ZNF385D: variants seen among roughly 807,000 people sequenced by gnomAD.
The protein encoded by ZNF385D is zinc finger protein 659.
A neutral mutation model predicts 35.8 loss-of-function variants in ZNF385D; 15 were observed. The observed-to-expected ratio is 0.42, with a 90% confidence interval of 0.28 to 0.64. The LOEUF is 0.64. Ranked by LOEUF, ZNF385D falls within the 30% of genes least tolerant of loss-of-function variation. The pLI is 0.23. For missense variants in ZNF385D, 474 were observed against 494.6 expected (o/e 0.96, Z 0.39); for synonymous variants, 212 against 186.8 (o/e 1.13, Z -1.10).
At chr3:21,828,106 C>A (rs774626419) in intron 3 of ZNF385D, among the ~76,000 whole-genome samples, 4 of 152,116 alleles carry the variant, frequency 2.6e-5, no homozygotes, top group Non-Finnish European at 5.9e-5. Flanking sequence ...TAAATATAAA[C>A]CATGAATTAA....
Position 22,013,970 on chromosome 3 carries a change from C to G in ZNF385D, c.325+154847G>C, listed in dbSNP as rs559504078. ...TTTGGTCAAAGCATATATTAACAAA[C>G]TGACCAAATGTTTGAGGAAAATCAT... On this transcript the variant is annotated intron_variant, in intron 3 of 5. Transcript: ENST00000494108. 3.9e-5 allele frequency among the ~76,000 whole-genome samples: 6 copies of G among 152,166 alleles called. No homozygotes were observed. In the South Asian group the frequency reaches 1.2e-3, roughly 32 times the overall value.
At chr3:21,537,124 C>CTTTTTTTT (rs35873199) in intron 3 of ZNF385D, among the ~76,000 whole-genome samples, 3 of 95,008 alleles carry the variant, frequency 3.2e-5, no homozygotes, top group African/African-American at 4.0e-5. Context: ...AAAATATCAA[C>CTTTTTTTT]TTTTTTTTTT....
chr3:22,237,649 CTTATT>C (rs1234501810), intron 2 of ZNF385D, among the ~76,000 whole-genome samples: 10 of 151,696 alleles, frequency 6.6e-5, no homozygotes, highest in Non-Finnish European at 1.5e-4. Context: ...AAATTTAGAC[CTTATT>C]TTATTTTGAG....
chr3:22,212,113 T>A (rs1230560798), intron 2 of ZNF385D, among the ~76,000 whole-genome samples: 2 of 151,994 alleles, frequency 1.3e-5, no homozygotes, highest in Non-Finnish European at 2.9e-5. Context: ...AACCTCTGTT[T>A]TCTCCTTCAA....
intron 3 of ZNF385D, among the ~76,000 whole-genome samples, chr3:21,920,388 G>T (rs573452031): frequency 1.3e-5 from 2 of 152,292 alleles, no homozygotes; most frequent in African/African-American, 4.8e-5. Flanking sequence ...CATTGTTACA[G>T]CTGTGACATT....
chr3:21,479,617 C>T (rs943558033), intron 4 of ZNF385D, among the ~76,000 whole-genome samples: 16 of 152,112 alleles, frequency 1.1e-4, no homozygotes, highest in African/African-American at 3.9e-4. Flanking sequence ...AATCTCCTAT[C>T]AGTGTTCAGC....
intron 3 of ZNF385D, among the ~76,000 whole-genome samples, chr3:22,058,192 CTAATT>C (rs2308290): frequency 0.25 from 37,744 of 151,996 alleles, 5,296 homozygotes; most frequent in Middle Eastern, 0.34. Context: ...ATGGCACCAT[CTAATT>C]TGATTTCTTG....
chr3:21,481,534 G>GT lies in ZNF385D; in HGVS notation c.439+29326dup, dbSNP rs959044480. 2.6e-5 allele frequency among the ~76,000 whole-genome samples: 4 copies of GT among 152,042 alleles called. No homozygotes were observed. The East Asian group carries it at 7.8e-4, about 29-fold the overall frequency. On this transcript the variant is annotated intron_variant, in intron 4 of 7. Transcript: ENST00000281523. Reference sequence around the variant, plus strand: ...AGACCAGTCTACCTTCAGATAGCTTGTTTTTTTCCTTCACAGACAGGGTCT... The same window carrying GT: ...AGACCAGTCTACCTTCAGATAGCTTGTTTTTTTTCCTTCACAGACAGGGTCT...
intron 2 of ZNF385D, among the ~76,000 whole-genome samples, chr3:22,359,220 C>A (rs1170581201): frequency 6.6e-6 from 1 of 151,546 alleles, no homozygotes; most frequent in East Asian, 1.9e-4. Flanking sequence ...TTAGTTAATG[C>A]TGGGAGGACA....
intron 5 of ZNF385D, among the ~76,000 whole-genome samples, chr3:21,435,278 G>A (rs899642329): frequency 3.3e-4 from 9 of 27,274 alleles, no homozygotes; most frequent in African/African-American, 1.3e-3. Context: ...TTTTTTTTTT[G>A]AGACAGGGTC....
intron 3 of ZNF385D, among the ~76,000 whole-genome samples, chr3:22,034,588 C>T (rs1698200988): frequency 1.3e-5 from 2 of 151,976 alleles, no homozygotes; most frequent in Admixed American, 1.3e-4. Flanking sequence ...GTATTAATAT[C>T]ATATATTTAA....
At chr3:21,511,529 A>G (rs1707200388) in intron 3 of ZNF385D, 1 of 370,064 alleles carries the variant, frequency 2.7e-6, no homozygotes. Context: ...ACTGAGATTG[A>G]AGCTTTAGAG....
chr3:21,803,235 A>G (rs993774324), intron 3 of ZNF385D, among the ~76,000 whole-genome samples: 3 of 152,150 alleles, frequency 2.0e-5, no homozygotes, highest in Non-Finnish European at 4.4e-5. Flanking sequence ...GCACCTTAGA[A>G]TCAAAGCACA....
intron 2 of ZNF385D, among the ~76,000 whole-genome samples, chr3:22,194,754 T>C (rs1197695567): frequency 2.0e-5 from 3 of 151,932 alleles, no homozygotes; most frequent in African/African-American, 7.2e-5. Flanking sequence ...AAAAAGTGTG[T>C]GCCCCTTTGA....
chr3:22,118,624 G>A (rs1163860033), intron 3 of ZNF385D, among the ~76,000 whole-genome samples: 1 of 151,866 alleles, frequency 6.6e-6, no homozygotes, highest in South Asian at 2.1e-4. Context: ...TCGGTAAGAG[G>A]TTAGGGAAAT....
chr3:21,581,346 T>C (rs2125705790), intron 2 of ZNF385D, among the ~76,000 whole-genome samples: 1 of 152,262 alleles, frequency 6.6e-6, no homozygotes, highest in South Asian at 2.1e-4. Flanking sequence ...CTTCCTCTAG[T>C]CTCTAGAGTC....
intron 3 of ZNF385D, among the ~76,000 whole-genome samples, chr3:21,814,614 T>A (rs769989116): frequency 5.3e-5 from 8 of 152,006 alleles, no homozygotes; most frequent in Non-Finnish European, 7.4e-5. Flanking sequence ...AAAGGGATGA[T>A]TTCAACAAGA....
At chr3:21,786,309 T>C (rs938645476) in intron 3 of ZNF385D, among the ~76,000 whole-genome samples, 1 of 152,194 alleles carries the variant, frequency 6.6e-6, no homozygotes, top group African/African-American at 2.4e-5. Context: ...ATGTCCTTAC[T>C]AGAAATGTTT....
At chr3:21,450,488 T>C (rs1702392525) in intron 4 of ZNF385D, among the ~76,000 whole-genome samples, 1 of 152,174 alleles carries the variant, frequency 6.6e-6, no homozygotes, top group Non-Finnish European at 1.5e-5. Context: ...AATTAAAAAC[T>C]TTTTTCAAGT....
Sources: allele counts gnomAD v4.1 joint callset (sites outside exome capture counted in the v4.1 genomes callset), GRCh38; gene constraint gnomAD v4.1.1; transcripts MANE v1.5; gene names NCBI Gene and HGNC (gene_info 2026-07-23, HGNC 2026-07-21).